The following NIPA1 variants were observed in gnomAD, a reference collection of about 807,000 sequenced individuals.
NIPA1 encodes magnesium transporter NIPA1.
A neutral mutation model predicts 23.9 loss-of-function variants in NIPA1; 13 were observed. The ratio of observed to expected loss-of-function variants is 0.54; its 90% CI spans 0.35 to 0.87. The LOEUF (loss-of-function observed/expected upper bound fraction) is 0.87, where lower values mean the gene tolerates loss of function less well. NIPA1 is among the 40% of genes least tolerant of loss of function. NIPA1 has a pLI of 0.01. For synonymous variants in NIPA1, 234 were observed against 202.9 expected, an observed-to-expected ratio of 1.15 and a Z score of -1.30; for missense variants, 362 against 429.7, an observed-to-expected ratio of 0.84 and a Z score of 1.39.
rs543553742 is a variant in NIPA1 at position 22,804,814 on chromosome 15, C to T, written c.179-5935C>T. Among the ~76,000 whole-genome samples, 5 of 152,150 alleles carry T rather than the reference C, an allele frequency of 3.3e-5. No individual in the cohort carries two copies. The East Asian group carries it at 9.7e-4, about 29-fold the overall frequency. ...TGTCTATCCTTATGCCAGTACCATA[C>T]TGTCTTGATTATATAGTTTTATAGT... On this transcript the variant is annotated intron_variant, in intron 1 of 4. Transcript: ENST00000337435.
intron 1 of NIPA1, among the ~76,000 whole-genome samples, chr15:22,794,509 A>G (rs1403579774): frequency 6.6e-6 from 1 of 151,910 alleles, no homozygotes; most frequent in Non-Finnish European, 1.5e-5. Flanking sequence ...AGTTTATGTT[A>G]TGTATATTTT....
At chr15:22,811,433 C>A (rs1440852546) in intron 2 of NIPA1, among the ~76,000 whole-genome samples, 2 of 151,954 alleles carry the variant, frequency 1.3e-5, no homozygotes, top group Non-Finnish European at 2.9e-5. Flanking sequence ...CATGGCAAAA[C>A]CCTGTCTGTA....
At position 22,806,921 on chromosome 15, in the gene NIPA1, G is replaced by A. The variant is rs776152707; in HGVS notation, c.179-3828G>A. 7.5e-4 allele frequency among the ~76,000 whole-genome samples: 114 copies of A among 152,168 alleles called. 2 individuals are homozygous for A. The highest frequency in any genetic ancestry group is 3.2e-3 in the Middle Eastern group (1 of 316). ...AGGCTCTCAGGGACCATGTGCAGGAGCTTCACTTTTGTTTATGGGTAGGGG... is the reference window on the plus strand; with the variant it reads ...AGGCTCTCAGGGACCATGTGCAGGAACTTCACTTTTGTTTATGGGTAGGGG... On this transcript the variant is annotated intron_variant, in intron 1 of 4. Coordinates refer to ENST00000337435, the MANE Select transcript of NIPA1 (RefSeq NM_144599.5).
Position 22,810,758 on chromosome 15 carries a change from A to T in NIPA1, c.188A>T (p.Tyr63Phe). 1 of 1,607,786 alleles carries T rather than the reference A, an allele frequency of 6.2e-7. No homozygotes were observed. Among genetic ancestry groups the T allele is most frequent in the African/African-American group, 1.3e-5 (1 of 74,904 alleles). Residue 63 changes from tyrosine (Y) to phenylalanine (F), a missense_variant, in exon 2 of 5, where the codon TAT becomes TTT. Transcript: ENST00000337435. ...ATCTCATTTTTTATAGGTACTTCCT[A>T]TTTAACAGACATTGTGTGGTGGGCT... is the stretch of plus-strand genomic sequence containing the variant. ...IVRAKRRGTS[Y>F]LTDIVWWAGT...
intron 4 of NIPA1, among the ~76,000 whole-genome samples, chr15:22,823,382 A>C (rs556477129): frequency 2.6e-5 from 4 of 151,694 alleles, no homozygotes; most frequent in Non-Finnish European, 4.4e-5. Flanking sequence ...TTGTACTTTT[A>C]GTAGAGACGG....
chr15:22,816,073 T>C (rs762315630), intron 3 of NIPA1, among the ~76,000 whole-genome samples: 5 of 152,070 alleles, frequency 3.3e-5, no homozygotes, highest in Non-Finnish European at 7.4e-5. Flanking sequence ...TTCATCATTG[T>C]ACTGGATGTT....
At chr15:22,818,209 C>T (rs1461220401) in intron 3 of NIPA1, among the ~76,000 whole-genome samples, 16 of 151,850 alleles carry the variant, frequency 1.1e-4, no homozygotes, top group South Asian at 6.2e-4. Flanking sequence ...GAGGCCGAGG[C>T]GGGTGGATCA....
chr15:22,820,136 G>A (rs540845377), intron 3 of NIPA1, among the ~76,000 whole-genome samples, 177 bp from the exon 4 acceptor site: 6 of 152,140 alleles, frequency 3.9e-5, no homozygotes, highest in African/African-American at 1.4e-4. Context: ...GTTCAAGCTT[G>A]TGGTGAGCTG....
intron 1 of NIPA1, among the ~76,000 whole-genome samples, chr15:22,802,698 C>G (rs12102090): frequency 6.6e-6 from 1 of 151,954 alleles, no homozygotes; most frequent in Non-Finnish European, 1.5e-5. Context: ...AGAAAGTTCC[C>G]TGGTGCCTCA....
At chr15:22,788,004 A>G (rs1399174353) in intron 1 of NIPA1, among the ~76,000 whole-genome samples, 1 of 152,188 alleles carries the variant, frequency 6.6e-6, no homozygotes, top group Non-Finnish European at 1.5e-5. Context: ...AAGGATGCAG[A>G]TGTGTCTGTC....
At chr15:22,814,790 C>T (rs530090299) in intron 3 of NIPA1, among the ~76,000 whole-genome samples, 1 of 152,282 alleles carries the variant, frequency 6.6e-6, no homozygotes, top group South Asian at 2.1e-4. Context: ...ATAACCAAAG[C>T]AATGTCCATC....
intron 1 of NIPA1, among the ~76,000 whole-genome samples, chr15:22,803,434 A>C (rs1361474917): frequency 1.3e-5 from 2 of 151,256 alleles, no homozygotes; most frequent in African/African-American, 2.4e-5. Flanking sequence ...TCTGGATACA[A>C]GTTTTTGTCA....
intron 1 of NIPA1, among the ~76,000 whole-genome samples, chr15:22,787,421 C>T (rs962396793): frequency 7.9e-5 from 12 of 152,188 alleles, no homozygotes; most frequent in Non-Finnish European, 1.6e-4. Context: ...GGTGCTCTTA[C>T]GGAGCCCGCT....
intron 1 of NIPA1, among the ~76,000 whole-genome samples, chr15:22,810,461 C>G (rs1008459241): frequency 6.6e-6 from 1 of 152,016 alleles, no homozygotes; most frequent in Admixed American, 6.6e-5. Flanking sequence ...AAAGGAATAT[C>G]TTTGTGGTAG....
At chr15:22,818,204 C>T (rs891672223) in intron 3 of NIPA1, among the ~76,000 whole-genome samples, 3 of 149,300 alleles carry the variant, frequency 2.0e-5, no homozygotes, top group Non-Finnish European at 3.0e-5. Flanking sequence ...TTTGGGAGGC[C>T]GAGGCGGGTG....
intron 1 of NIPA1, among the ~76,000 whole-genome samples, chr15:22,792,519 C>A (rs1025455782): frequency 6.6e-6 from 1 of 152,022 alleles, no homozygotes; most frequent in African/African-American, 2.4e-5. Flanking sequence ...CCACCACACC[C>A]GGCTAATTTT....
chr15:22,807,297 C>T (rs531673285), intron 1 of NIPA1, among the ~76,000 whole-genome samples: 1 of 152,282 alleles, frequency 6.6e-6, no homozygotes, highest in South Asian at 2.1e-4. Flanking sequence ...AGGGGGGTGC[C>T]TATGGGCCTC....
intron 4 of NIPA1, among the ~76,000 whole-genome samples, chr15:22,823,037 G>T (rs1895573486): frequency 7.1e-6 from 1 of 141,416 alleles, no homozygotes. Flanking sequence ...TCCTGCCTCA[G>T]CCTCCTGAGT....
rs139084513 is a variant in NIPA1 at position 22,796,986 on chromosome 15, A to G, written c.178+10152A>G. ...GAAAGTACAGAAAATGGTGGTTCGGAAAGTGGAACTTACTCATCTCTCCAC... is the reference window on the plus strand; with the variant it reads ...GAAAGTACAGAAAATGGTGGTTCGGGAAGTGGAACTTACTCATCTCTCCAC... On this transcript the variant is annotated intron_variant, in intron 1 of 4. Transcript: ENST00000337435. 3.2e-3 allele frequency among the ~76,000 whole-genome samples: 486 copies of G among 152,228 alleles called. 1 individual carries two copies. Among genetic ancestry groups the G allele is most frequent in the African/African-American group, 0.011 (452 of 41,536 alleles).
Sources: gnomAD v4.1 joint callset for allele counts (sites outside exome capture counted in the v4.1 genomes callset) on GRCh38, gnomAD v4.1.1 for gene constraint, MANE v1.5 for transcripts, NCBI Gene and HGNC (gene_info 2026-07-23, HGNC 2026-07-21) for gene names.